Variants in CDH12 observed in about 807,000 individuals in gnomAD.
The protein encoded by CDH12 is cadherin 12.
A neutral mutation model predicts 74.1 loss-of-function variants in CDH12; 41 were observed. The ratio of observed to expected loss-of-function variants is 0.55; its 90% CI spans 0.43 to 0.72. The LOEUF is 0.72. CDH12 is among the 30% of genes least tolerant of loss of function. The pLI is 0.00. For missense variants in CDH12, 945 were observed against 977.2 expected (o/e 0.97, Z 0.44); for synonymous variants, 399 against 355.0 (o/e 1.12, Z -1.39).
At chr5:22,605,146 T>G (rs1245141103) in intron 1 of CDH12, among the ~76,000 whole-genome samples, 6 of 152,326 alleles carry the variant, frequency 3.9e-5, no homozygotes, top group African/African-American at 1.4e-4. Flanking sequence ...AAGGAAAAGT[T>G]GTGCCTACGG....
intron 1 of CDH12, among the ~76,000 whole-genome samples, chr5:22,794,369 T>A (rs900396507): frequency 6.6e-6 from 1 of 152,148 alleles, no homozygotes; most frequent in Non-Finnish European, 1.5e-5. Context: ...CACAGCTCCA[T>A]CAGAACAAAA....
At chr5:21,806,536 T>C (rs1423917241) in intron 9 of CDH12, among the ~76,000 whole-genome samples, 4 of 152,162 alleles carry the variant, frequency 2.6e-5, no homozygotes. Context: ...GGGCCACCAT[T>C]CTTTCTGTAA....
At position 22,043,721 on chromosome 5, in the gene CDH12, G is replaced by C. The variant is rs113108272; in HGVS notation, c.231+34725C>G. ...AAACTCTATGAAAAAAAAAAAAACTGTTAGAACTGATTTACAAGTTCAGTA... is the reference window on the plus strand; with the variant it reads ...AAACTCTATGAAAAAAAAAAAAACTCTTAGAACTGATTTACAAGTTCAGTA... On this transcript the variant is annotated intron_variant, in intron 5 of 14. Coordinates refer to ENST00000382254, the MANE Select transcript of CDH12 (RefSeq NM_004061.5). Among the ~76,000 whole-genome samples, 158 of 150,626 alleles carry C rather than the reference G, an allele frequency of 1.0e-3. 4 individuals carry two copies. The highest frequency in any genetic ancestry group is 3.4e-3 in the African/African-American group (139 of 41,116).
chr5:21,944,596 C>T (rs1297750892), intron 6 of CDH12, among the ~76,000 whole-genome samples: 1 of 151,958 alleles, frequency 6.6e-6, no homozygotes, highest in Admixed American at 6.6e-5. Context: ...TTATTTAAGC[C>T]ACGAGAATAA....
chr5:22,233,940 A>G (rs1273589566), intron 3 of CDH12, among the ~76,000 whole-genome samples: 1 of 152,204 alleles, frequency 6.6e-6, no homozygotes, highest in East Asian at 1.9e-4. Context: ...CAATAGTGCA[A>G]TTTATTATTA....
chr5:21,961,685 A>G (rs953222493), intron 6 of CDH12, among the ~76,000 whole-genome samples: 20 of 152,302 alleles, frequency 1.3e-4, no homozygotes, highest in Middle Eastern at 3.4e-3. Flanking sequence ...CAACATATGA[A>G]CATGAAGAAA....
intron 4 of CDH12, among the ~76,000 whole-genome samples, chr5:22,096,064 C>G (rs1332913704): frequency 6.6e-6 from 1 of 151,634 alleles, no homozygotes; most frequent in African/African-American, 2.4e-5. Flanking sequence ...CTCTACCCTG[C>G]TCTTTAAACT....
intron 3 of CDH12, among the ~76,000 whole-genome samples, chr5:22,244,046 C>A (rs970541234): frequency 6.6e-6 from 1 of 151,988 alleles, no homozygotes; most frequent in African/African-American, 2.4e-5. Flanking sequence ...CTTTTCTGTA[C>A]TATTCACTTT....
intron 2 of CDH12, among the ~76,000 whole-genome samples, chr5:22,430,059 A>C (rs1408197942): frequency 6.6e-6 from 1 of 152,020 alleles, no homozygotes; most frequent in Non-Finnish European, 1.5e-5. Flanking sequence ...CTATTTTTCC[A>C]TTTTCCTTTT....
intron 1 of CDH12, among the ~76,000 whole-genome samples, chr5:22,751,084 G>A (rs559253341): frequency 1.9e-3 from 283 of 151,878 alleles, no homozygotes; most frequent in Non-Finnish European, 2.7e-3. Context: ...AGTAGATTTG[G>A]AATCACCTGA....
intron 6 of CDH12, chr5:21,889,924 C>G: frequency 1.2e-6 from 1 of 826,064 alleles, no homozygotes; most frequent in Non-Finnish European, 1.5e-6. Flanking sequence ...ACTTTTATTG[C>G]TTACAGAATC....
At chr5:22,470,846 C>T (rs1745930668) in intron 2 of CDH12, among the ~76,000 whole-genome samples, 1 of 133,988 alleles carries the variant, frequency 7.5e-6, no homozygotes, top group African/African-American at 2.8e-5. Context: ...TCATACTCTC[C>T]TGGCAAAACC....
intron 4 of CDH12, among the ~76,000 whole-genome samples, chr5:22,144,907 A>ATG (rs758042976): frequency 1.3e-5 from 2 of 152,128 alleles, no homozygotes; most frequent in Non-Finnish European, 2.9e-5. Context: ...GACTATATAT[A>ATG]TTCTGTAGAG....
At chr5:22,063,297 C>T (rs1741321650) in intron 5 of CDH12, among the ~76,000 whole-genome samples, 1 of 151,978 alleles carries the variant, frequency 6.6e-6, no homozygotes, top group South Asian at 2.1e-4. Context: ...AGCATATGTT[C>T]TTATTGGTAG....
rs61516659 is a variant in CDH12, at chr5:21,996,105, GTTTTTTTT to G, written c.232-20728_232-20721del. ...CAGGTACTTATAAGTTCACACACAC[GTTTTTTTT>G]TTTTTTTTTTTTTTTTTTTCCAATG... is the stretch of plus-strand genomic sequence containing the variant. On this transcript the variant is annotated intron_variant, in intron 5 of 14. Transcript: ENST00000382254. Among the ~76,000 whole-genome samples the G allele has an allele frequency of 7.0e-5, 8 of 113,552 alleles. No homozygotes were observed. In the East Asian group the frequency reaches 9.1e-4, roughly 13 times the overall value. 74.5% of individuals were successfully genotyped at this position (113,552 alleles called of 152,430 possible).
At chr5:22,203,867 G>T (rs888451116) in intron 4 of CDH12, among the ~76,000 whole-genome samples, 1 of 152,088 alleles carries the variant, frequency 6.6e-6, no homozygotes, top group African/African-American at 2.4e-5. Flanking sequence ...ATTTTTTCAT[G>T]TTCCTGTTGG....
intron 1 of CDH12, among the ~76,000 whole-genome samples, chr5:22,840,640 T>C (rs1437749962): frequency 5.3e-5 from 8 of 152,040 alleles, no homozygotes; most frequent in Admixed American, 5.2e-4. Context: ...TTGAAATATA[T>C]GAGCACACAA....
intron 8 of CDH12, among the ~76,000 whole-genome samples, chr5:21,828,164 C>T (rs548526225): frequency 8.6e-5 from 13 of 151,434 alleles, no homozygotes; most frequent in African/African-American, 2.9e-4. Flanking sequence ...ACTCTGTTGC[C>T]CAGGCTGGAG....
chr5:22,432,027 G>T (rs1267599674), intron 2 of CDH12, among the ~76,000 whole-genome samples: 1 of 152,104 alleles, frequency 6.6e-6, no homozygotes, highest in Non-Finnish European at 1.5e-5. Flanking sequence ...CTCACCCTAG[G>T]CGTTCAAACT....
Sources: allele counts gnomAD v4.1 joint callset (sites outside exome capture counted in the v4.1 genomes callset), GRCh38; gene constraint gnomAD v4.1.1; transcripts MANE v1.5; gene names NCBI Gene and HGNC (gene_info 2026-07-23, HGNC 2026-07-21).